Variants in CDH20 observed in about 807,000 individuals in gnomAD.
CDH20 encodes cadherin 20, also known as cadherin-20.
CDH20 carries 29 observed loss-of-function variants against 74.2 expected under a neutral mutation model. That is an observed-to-expected ratio of 0.39 (90% CI 0.29 to 0.53). The LOEUF is 0.53. Ranked by LOEUF, CDH20 falls within the 20% of genes least tolerant of loss-of-function variation. CDH20 has a pLI of 0.69. For synonymous variants in CDH20, 469 were observed against 405.4 expected (o/e 1.16, Z -1.88); for missense variants, 988 against 1,048.3 (o/e 0.94, Z 0.79).
chr18:61,381,997 A>G (rs1911448024), intron 1 of CDH20, among the ~76,000 whole-genome samples: 1 of 152,054 alleles, frequency 6.6e-6, no homozygotes, highest in South Asian at 2.1e-4. Context: ...AACTTCTGCT[A>G]CTTCCATATC....
chr18:61,434,407 T>C (rs1908760100), intron 1 of CDH20, among the ~76,000 whole-genome samples: 1 of 152,176 alleles, frequency 6.6e-6, no homozygotes, highest in South Asian at 2.1e-4. Context: ...AAAGTATCCT[T>C]CAGAATTCAG....
At chr18:61,470,476 G>A (rs551601187) in intron 1 of CDH20, among the ~76,000 whole-genome samples, 3 of 152,286 alleles carry the variant, frequency 2.0e-5, no homozygotes, top group South Asian at 2.1e-4. Flanking sequence ...GGAATGACAC[G>A]CAGCCATCCA....
rs1302864620 is a variant in CDH20, at chr18:61,426,165, C to T, written c.-152-64237C>T. On this transcript the variant is annotated intron_variant, in intron 1 of 11. Coordinates refer to ENST00000262717, the MANE Select transcript of CDH20 (RefSeq NM_031891.4). ...CTATTGTGTCATCTGGAAATAAAGTCATTTTACTTCTTCCTTTCCAAAAAA... is the reference window on the plus strand; with the variant it reads ...CTATTGTGTCATCTGGAAATAAAGTTATTTTACTTCTTCCTTTCCAAAAAA... Among the ~76,000 whole-genome samples the T allele has an allele frequency of 7.3e-5, 11 of 151,664 alleles. No homozygotes were observed. The East Asian group carries it at 1.9e-3, about 27-fold the overall frequency.
rs182462560 is a variant in CDH20, at chr18:61,403,496, A to G, written c.-153+69669A>G. On this transcript the variant is annotated intron_variant, in intron 1 of 11. Transcript: ENST00000262717. ...GGACTTTTGTCTTAACCAGCCTTCT[A>G]TGTTAGATCAGGCTGATAAGTAATT... Among the ~76,000 whole-genome samples, 617 of 152,336 alleles carry G rather than the reference A, an allele frequency of 4.1e-3. 9 individuals are homozygous for G. Among genetic ancestry groups the G allele is most frequent in the Middle Eastern group, 0.02 (6 of 294 alleles).
At chr18:61,515,952 T>C (rs1301096248) in intron 6 of CDH20, among the ~76,000 whole-genome samples, 21 of 152,184 alleles carry the variant, frequency 1.4e-4, no homozygotes, top group African/African-American at 5.1e-4. Context: ...AAAAGACATT[T>C]TAGAAGGCAA....
intron 1 of CDH20, among the ~76,000 whole-genome samples, chr18:61,373,945 A>G (rs1911125137): frequency 6.6e-6 from 1 of 152,166 alleles, no homozygotes; most frequent in Non-Finnish European, 1.5e-5. Context: ...AAGTCTTTCA[A>G]TACAGTTTTC....
rs79929347 is a variant in CDH20 at position 61,360,615 on chromosome 18, C to G, written c.-153+26788C>G. On this transcript the variant is annotated intron_variant, in intron 1 of 11. Transcript: ENST00000262717. ...TGAGGAGGCAGAAACTGTGAAGGCTCTGCCTTGTGGCACTGAGTCAGACCT... is the reference window on the plus strand; with the variant it reads ...TGAGGAGGCAGAAACTGTGAAGGCTGTGCCTTGTGGCACTGAGTCAGACCT... Among the ~76,000 whole-genome samples, 213 of 152,326 alleles carry G rather than the reference C, an allele frequency of 1.4e-3. 6 individuals carry two copies. The East Asian group carries it at 0.04, about 29-fold the overall frequency.
At chr18:61,442,788 C>T (rs570294979) in intron 1 of CDH20, among the ~76,000 whole-genome samples, 11 of 152,252 alleles carry the variant, frequency 7.2e-5, no homozygotes, top group South Asian at 4.1e-4. Context: ...TTTGATTTGA[C>T]CTGCTCTCTT....
intron 1 of CDH20, among the ~76,000 whole-genome samples, chr18:61,375,518 T>C (rs997073438): frequency 1.3e-5 from 2 of 152,116 alleles, no homozygotes; most frequent in African/African-American, 4.8e-5. Context: ...CCACCCTCCC[T>C]TCGTCCATCT....
chr18:61,461,965 TGG>T (rs1393823525), intron 1 of CDH20, among the ~76,000 whole-genome samples: 1 of 152,138 alleles, frequency 6.6e-6, no homozygotes, highest in Non-Finnish European at 1.5e-5. Context: ...AACGAAGACT[TGG>T]CCCGCATTCA....
At chr18:61,375,994 T>C (rs925384493) in intron 1 of CDH20, among the ~76,000 whole-genome samples, 8 of 152,136 alleles carry the variant, frequency 5.3e-5, no homozygotes, top group Non-Finnish European at 1.0e-4. Context: ...ACATTTAAAA[T>C]AACACCTAAT....
rs1033529358 is a variant in CDH20, at chr18:61,538,916, G to A, written c.1409-108G>A. On this transcript the variant is annotated intron_variant, in intron 8 of 11. Transcript: ENST00000262717. Reference sequence around the variant, plus strand: ...CAAAGTGCTGGGATTACAGGCGTGAGCCACTGCGCCCAGTCGTAAATACCG... The same window carrying A: ...CAAAGTGCTGGGATTACAGGCGTGAACCACTGCGCCCAGTCGTAAATACCG... The A allele has an allele frequency of 4.8e-6, 6 of 1,260,922 alleles. No individual in the cohort carries two copies. In the African/African-American group the frequency reaches 9.0e-5, roughly 19 times the overall value. 78.1% of individuals were successfully genotyped at this position (1,260,922 alleles called of 1,614,324 possible). A position where few individuals can be genotyped will look rare whatever the true frequency, so the allele number is the denominator to read the frequency against.
chr18:61,343,447 G>A (rs1910018083), intron 1 of CDH20, among the ~76,000 whole-genome samples: 1 of 152,176 alleles, frequency 6.6e-6, no homozygotes, highest in African/African-American at 2.4e-5. Context: ...TGTAGAGGTT[G>A]AGTGCCTCTA....
At chr18:61,345,069 C>T (rs564194542) in intron 1 of CDH20, among the ~76,000 whole-genome samples, 3 of 152,296 alleles carry the variant, frequency 2.0e-5, no homozygotes, top group Admixed American at 6.5e-5. Flanking sequence ...TTGAGGTTAA[C>T]GTTAACTTTG....
At chr18:61,422,679 T>A (rs1325427260) in intron 1 of CDH20, among the ~76,000 whole-genome samples, 3 of 151,986 alleles carry the variant, frequency 2.0e-5, no homozygotes, top group African/African-American at 7.2e-5. Flanking sequence ...TTTGATTACA[T>A]GACATTTAAT....
chr18:61,505,610 A>G (rs1911535777), intron 5 of CDH20, among the ~76,000 whole-genome samples: 1 of 152,202 alleles, frequency 6.6e-6, no homozygotes, highest in Non-Finnish European at 1.5e-5. Context: ...TGCTGATATT[A>G]CAGGCATGAG....
chr18:61,538,950 C>G, intron 8 of CDH20, 74 bp from the exon 9 acceptor site: 1 of 1,511,720 alleles, frequency 6.6e-7, no homozygotes. Context: ...CGACTTCTAG[C>G]AAAAACCATT....
chr18:61,382,337 C>T (rs1196331307), intron 1 of CDH20, among the ~76,000 whole-genome samples: 1 of 152,118 alleles, frequency 6.6e-6, no homozygotes, highest in Non-Finnish European at 1.5e-5. Context: ...GCTAAAGAAA[C>T]TAGAGTAAAA....
intron 1 of CDH20, among the ~76,000 whole-genome samples, chr18:61,434,026 A>G (rs1411919091): frequency 6.6e-6 from 1 of 152,088 alleles, no homozygotes; most frequent in African/African-American, 2.4e-5. Context: ...GGGACTACAT[A>G]TGTATATGTA....
Sources: gnomAD v4.1 joint callset for allele counts (sites outside exome capture counted in the v4.1 genomes callset) on GRCh38, gnomAD v4.1.1 for gene constraint, MANE v1.5 for transcripts, NCBI Gene and HGNC (gene_info 2026-07-23, HGNC 2026-07-21) for gene names.